Variants in FGF14 observed in about 807,000 individuals in gnomAD.
The protein encoded by FGF14 is fibroblast growth factor 14.
FGF14 carries 5 observed loss-of-function variants against 25.5 expected under a neutral mutation model. The ratio of observed to expected loss-of-function variants is 0.20; its 90% confidence interval spans 0.10 to 0.41. The LOEUF (loss-of-function observed/expected upper bound fraction) is 0.41. Ranked by LOEUF, FGF14 falls within the 10% of genes least tolerant of loss-of-function variation. FGF14 has a pLI of 1.00. For synonymous variants in FGF14, 138 were observed against 118.3 expected, an observed-to-expected ratio of 1.17 and a Z score of -1.08; for missense variants, 222 against 320.1, an observed-to-expected ratio of 0.69 and a Z score of 2.34.
chr13:102,358,325 T>C (rs549303228), intron 1 of FGF14, among the ~76,000 whole-genome samples: 2 of 152,344 alleles, frequency 1.3e-5, no homozygotes, highest in South Asian at 4.1e-4. Context: ...TTAGTGTTTG[T>C]ACTTAGTAGA....
chr13:102,144,632 T>C (rs556429796), intron 1 of FGF14, among the ~76,000 whole-genome samples: 3 of 152,198 alleles, frequency 2.0e-5, no homozygotes, highest in Non-Finnish European at 1.5e-5. Flanking sequence ...AGCTTATTTA[T>C]GTAGTACATC....
chr13:102,328,068 A>G (rs1031562942), intron 1 of FGF14, among the ~76,000 whole-genome samples: 3 of 151,614 alleles, frequency 2.0e-5, no homozygotes, highest in South Asian at 2.1e-4. Context: ...CCTAAAACTC[A>G]TAAGTCTCCC....
chr13:101,902,846 C>G (rs574481347), intron 1 of FGF14, among the ~76,000 whole-genome samples: 1 of 152,160 alleles, frequency 6.6e-6, no homozygotes. Flanking sequence ...AAAGGAGGCA[C>G]TTTTAATAAA....
intron 3 of FGF14, among the ~76,000 whole-genome samples, chr13:101,780,390 G>C (rs2039416983): frequency 1.3e-5 from 2 of 152,090 alleles, no homozygotes; most frequent in Admixed American, 1.3e-4. Context: ...AGGCACTTGT[G>C]AATCACCATA....
At chr13:102,258,890 T>A (rs1393656382) in intron 1 of FGF14, among the ~76,000 whole-genome samples, 1 of 152,060 alleles carries the variant, frequency 6.6e-6, no homozygotes, top group Non-Finnish European at 1.5e-5. Flanking sequence ...CAATTGGGAG[T>A]TGATTAACCT....
chr13:102,275,239 T>TCTCTCTCTCTCC (rs1566889190), intron 1 of FGF14, among the ~76,000 whole-genome samples: 10 of 91,366 alleles, frequency 1.1e-4, no homozygotes, highest in East Asian at 4.1e-4. Context: ...CAGATTTCTC[T>TCTCTCTCTCTCC]CTCTCTCTCT....
chr13:102,233,908 A>G (rs1379842644), intron 1 of FGF14, among the ~76,000 whole-genome samples: 3 of 152,208 alleles, frequency 2.0e-5, no homozygotes, highest in African/African-American at 4.8e-5. Flanking sequence ...TTAAACATCT[A>G]TCTTCAACTG....
intron 1 of FGF14, among the ~76,000 whole-genome samples, chr13:102,150,271 G>A (rs1458911963): frequency 3.3e-5 from 5 of 149,310 alleles, no homozygotes; most frequent in Non-Finnish European, 7.4e-5. Context: ...CTCTAGAGTG[G>A]TTTCTGTGTA....
intron 1 of FGF14, among the ~76,000 whole-genome samples, chr13:102,238,705 T>C (rs2051443133): frequency 6.6e-6 from 1 of 152,248 alleles, no homozygotes; most frequent in Non-Finnish European, 1.5e-5. Flanking sequence ...GATCATTGAT[T>C]CATTTTTAGA....
chr13:102,290,678 C>A (rs2054340780), intron 1 of FGF14, among the ~76,000 whole-genome samples: 1 of 152,190 alleles, frequency 6.6e-6, no homozygotes, highest in Admixed American at 6.5e-5. Context: ...TCTGCATATG[C>A]AAGACTTGGC....
chr13:102,191,383 G>A (rs763324428), intron 1 of FGF14, among the ~76,000 whole-genome samples: 1 of 152,148 alleles, frequency 6.6e-6, no homozygotes, highest in African/African-American at 2.4e-5. Flanking sequence ...GGCTAGAATG[G>A]TCCAGCATGG....
At chr13:102,187,487 T>C (rs2048923962) in intron 1 of FGF14, among the ~76,000 whole-genome samples, 1 of 152,212 alleles carries the variant, frequency 6.6e-6, no homozygotes, top group Non-Finnish European at 1.5e-5. Flanking sequence ...TTGATTTATG[T>C]TGCTAACTCA....
At chr13:101,798,135 GA>G in intron 3 of FGF14, among the ~76,000 whole-genome samples, 1 of 152,060 alleles carries the variant, frequency 6.6e-6, no homozygotes, top group Admixed American at 6.6e-5. Flanking sequence ...TCTAATAAAA[GA>G]AAAAAGCTGA....
intron 3 of FGF14, among the ~76,000 whole-genome samples, chr13:101,846,935 A>G (rs2043494797): frequency 6.6e-6 from 1 of 152,104 alleles, no homozygotes; most frequent in Admixed American, 6.6e-5. Context: ...GTCATGCAGT[A>G]TAATGGAAAA....
At chr13:101,964,768 T>C (rs1566503618) in intron 1 of FGF14, among the ~76,000 whole-genome samples, 1 of 152,220 alleles carries the variant, frequency 6.6e-6, no homozygotes, top group Non-Finnish European at 1.5e-5. Flanking sequence ...TTTTTTTTCT[T>C]TCTTTTCAAT....
intron 3 of FGF14, among the ~76,000 whole-genome samples, chr13:101,774,345 C>A (rs930058537): frequency 2.6e-5 from 4 of 152,150 alleles, no homozygotes; most frequent in Admixed American, 2.6e-4. Context: ...CTGTAATTTT[C>A]TCTCTACCCT....
At chr13:101,741,504 G>C (rs9582521) in intron 3 of FGF14, among the ~76,000 whole-genome samples, 5,917 of 152,128 alleles carry the variant, frequency 0.039, 133 homozygotes, top group Middle Eastern at 0.051. Flanking sequence ...AAACCCTGCT[G>C]AAGTAAAATT....
In FGF14 at chr13:102,192,866, T is replaced by C. The variant is rs1262233586; in HGVS notation, c.208+208605A>G. On this transcript the variant is annotated intron_variant, in intron 1 of 4. Coordinates refer to the FGF14 transcript ENST00000376131. ...TCAACATTCTCTTCACGATTATTTA[T>C]TATATTATTATATCTCTAGAAAGAT... Among the ~76,000 whole-genome samples, 12 of 152,298 alleles carry C rather than the reference T, an allele frequency of 7.9e-5. No individual in the cohort carries two copies. The East Asian group carries it at 2.3e-3, about 29-fold the overall frequency.
At chr13:102,287,949 T>A (rs536736099) in intron 1 of FGF14, among the ~76,000 whole-genome samples, 39 of 152,314 alleles carry the variant, frequency 2.6e-4, no homozygotes, top group African/African-American at 8.7e-4. Context: ...TAAATGAGAA[T>A]CTTTTGAAGC....
Sources: allele counts gnomAD v4.1 joint callset (sites outside exome capture counted in the v4.1 genomes callset), GRCh38; gene constraint gnomAD v4.1.1; transcripts MANE v1.5; gene names NCBI Gene and HGNC (gene_info 2026-07-23, HGNC 2026-07-21).